The following SAMMSON variants were observed in gnomAD, a reference collection of about 807,000 sequenced individuals.
SAMMSON encodes the protein long intergenic non-protein coding RNA 1212.
chr3:70,384,358 C>G (rs1224241798), intron 9 of SAMMSON, among the ~76,000 whole-genome samples: 1 of 151,902 alleles, frequency 6.6e-6, no homozygotes, highest in African/African-American at 2.4e-5. Context: ...GCATCAAAGC[C>G]TGTATGCAGT....
intron 4 of SAMMSON, among the ~76,000 whole-genome samples, chr3:70,157,987 A>G (rs574779694): frequency 5.5e-4 from 83 of 152,210 alleles, no homozygotes; most frequent in Non-Finnish European, 7.4e-4. Flanking sequence ...TGTGTATTTT[A>G]TAGAACTTTC....
intron 4 of SAMMSON, chr3:70,126,032 G>A (rs2067457125): frequency 1.0e-6 from 1 of 953,846 alleles, no homozygotes; most frequent in African/African-American, 1.6e-5. Flanking sequence ...AAAGCTGTGG[G>A]CAAATTCATT....
intron 4 of SAMMSON, among the ~76,000 whole-genome samples, chr3:70,116,111 A>G (rs2067409785): frequency 6.6e-6 from 1 of 152,104 alleles, no homozygotes; most frequent in African/African-American, 2.4e-5. Flanking sequence ...ACCCTCTTCA[A>G]TTTTAAGGTT....
intron 7 of SAMMSON, among the ~76,000 whole-genome samples, chr3:70,352,622 T>C (rs145285632): frequency 7.8e-4 from 118 of 152,238 alleles, no homozygotes; most frequent in Admixed American, 1.2e-3. Flanking sequence ...ATTTTCTTTC[T>C]CTTCTTAAGT....
chr3:70,407,637 C>T (rs1004028947), intron 2 of SAMMSON, among the ~76,000 whole-genome samples: 33 of 152,240 alleles, frequency 2.2e-4, no homozygotes, highest in African/African-American at 7.0e-4. Flanking sequence ...TCTTGGGCAG[C>T]TCTGCCCCTG....
chr3:70,288,569 T>C (rs1286759928), intron 6 of SAMMSON, among the ~76,000 whole-genome samples: 2 of 148,656 alleles, frequency 1.3e-5, no homozygotes, highest in South Asian at 2.2e-4. Flanking sequence ...TAGATGTCTA[T>C]TAGGTCCACT....
chr3:70,126,247 C>T, intron 4 of SAMMSON: 1 of 988,086 alleles, frequency 1.0e-6, no homozygotes, highest in South Asian at 1.4e-5. Flanking sequence ...TCAACAGGGT[C>T]ATCAGACCTT....
intron 7 of SAMMSON, among the ~76,000 whole-genome samples, chr3:70,340,162 T>G (rs1452622409): frequency 6.7e-6 from 1 of 148,368 alleles, no homozygotes; most frequent in Non-Finnish European, 1.5e-5. Flanking sequence ...AAACACTGCA[T>G]ATTCTCACTC....
intron 4 of SAMMSON, among the ~76,000 whole-genome samples, chr3:70,238,439 C>G (rs1410268339): frequency 6.6e-6 from 1 of 151,904 alleles, no homozygotes; most frequent in African/African-American, 2.4e-5. Flanking sequence ...GAAATCCCAT[C>G]TCTACAAAAT....
At chr3:70,264,588 A>C (rs543796088) in intron 6 of SAMMSON, among the ~76,000 whole-genome samples, 33 of 152,370 alleles carry the variant, frequency 2.2e-4, no homozygotes, top group African/African-American at 7.0e-4. Context: ...TGCTGGCATC[A>C]GGCCATATAC....
intron 2 of SAMMSON, among the ~76,000 whole-genome samples, chr3:70,397,863 ATCCTT>A (rs1396972503): frequency 6.6e-6 from 1 of 152,206 alleles, no homozygotes; most frequent in Non-Finnish European, 1.5e-5. Context: ...CTATAACACT[ATCCTT>A]TATTTGTACA....
intron 4 of SAMMSON, among the ~76,000 whole-genome samples, chr3:70,230,261 T>C (rs1327742252): frequency 6.6e-6 from 1 of 152,202 alleles, no homozygotes; most frequent in Admixed American, 6.6e-5. Context: ...TAAACATAGT[T>C]TAACACCACC....
intron 7 of SAMMSON, among the ~76,000 whole-genome samples, chr3:70,346,129 G>A (rs1240148969): frequency 6.6e-6 from 1 of 152,018 alleles, no homozygotes; most frequent in Non-Finnish European, 1.5e-5. Flanking sequence ...TGCTCTTCAC[G>A]CTCACCAATA....
intron 4 of SAMMSON, among the ~76,000 whole-genome samples, chr3:70,139,289 G>A (rs2067518184): frequency 6.6e-6 from 1 of 152,048 alleles, no homozygotes; most frequent in Admixed American, 6.6e-5. Flanking sequence ...CTCCCACCTT[G>A]GCCTCCTAAG....
chr3:70,290,000 T>C (rs1035734018), intron 6 of SAMMSON, among the ~76,000 whole-genome samples: 44 of 152,114 alleles, frequency 2.9e-4, no homozygotes, highest in Non-Finnish European at 1.0e-4. Flanking sequence ...TTGCCTTTGG[T>C]TTGAATGTCC....
chr3:70,365,473 G>A (rs1702913305), intron 9 of SAMMSON, among the ~76,000 whole-genome samples: 1 of 151,556 alleles, frequency 6.6e-6, no homozygotes, highest in South Asian at 2.1e-4. Flanking sequence ...TTATTCTAAT[G>A]TACCAAACTC....
At chr3:70,030,229 C>T (rs2107583580) in intron 3 of SAMMSON, 1 of 152,228 alleles carries the variant, frequency 6.6e-6, no homozygotes, top group East Asian at 1.9e-4. Context: ...AAATTTCACA[C>T]ATTATTTATT....
intron 4 of SAMMSON, among the ~76,000 whole-genome samples, chr3:70,196,198 G>A (rs897656956): frequency 2.6e-5 from 4 of 152,144 alleles, no homozygotes; most frequent in Admixed American, 6.5e-5. Context: ...GAATAACTAA[G>A]AGCCTTTCTG....
intron 2 of SAMMSON, among the ~76,000 whole-genome samples, chr3:70,399,551 T>G (rs1189179070): frequency 1.3e-5 from 2 of 152,132 alleles, no homozygotes; most frequent in Non-Finnish European, 2.9e-5. Flanking sequence ...GATATCATTT[T>G]CATAAAATGA....
Sources: allele counts gnomAD v4.1 joint callset (sites outside exome capture counted in the v4.1 genomes callset), GRCh38; gene constraint gnomAD v4.1.1; transcripts MANE v1.5; gene names NCBI Gene and HGNC (gene_info 2026-07-23, HGNC 2026-07-21).